The following CLDN16 variants were observed in gnomAD, a reference collection of about 807,000 sequenced individuals.
The protein encoded by CLDN16 is claudin 16.
A neutral mutation model predicts 24.6 loss-of-function variants in CLDN16; 13 were observed. The observed-to-expected ratio is 0.53, with a 90% confidence interval of 0.34 to 0.84. CLDN16 has a LOEUF of 0.84. Ranked by LOEUF, CLDN16 falls within the 40% of genes least tolerant of loss-of-function variation. The pLI, the probability that CLDN16 is intolerant of heterozygous loss-of-function variation, is 0.01. For synonymous variants in CLDN16, 116 were observed against 106.7 expected (o/e 1.09, Z -0.54); for missense variants, 298 against 292.7 (o/e 1.02, Z -0.13).
chr3:190,304,798 G>C, the CLDN16 span, among the ~76,000 whole-genome samples: 1 of 152,166 alleles, frequency 6.6e-6, no homozygotes, highest in Admixed American at 6.6e-5. Flanking sequence ...ATGACAGGCT[G>C]AAAAAGGTGG....
chr3:190,392,901 A>G (rs913997640), intron 1 of CLDN16, among the ~76,000 whole-genome samples: 8 of 152,190 alleles, frequency 5.3e-5, no homozygotes, highest in Non-Finnish European at 1.2e-4. Context: ...AGCAATATGT[A>G]CATGTATTTT....
the CLDN16 span, chr3:190,308,137 G>GT: frequency 2.9e-6 from 3 of 1,026,134 alleles, no homozygotes; most frequent in Non-Finnish European, 4.5e-6. Flanking sequence ...TAACACATGG[G>GT]TTTTTTGTTT....
intron 3 of CLDN16, among the ~76,000 whole-genome samples, chr3:190,405,296 C>T (rs1719067750): frequency 2.6e-5 from 4 of 151,708 alleles, no homozygotes; most frequent in Admixed American, 2.6e-4. Flanking sequence ...TGGTGGTGCA[C>T]ACCTGTAGTC....
At chr3:190,337,926 C>T (rs1223541361) in intron 1 of CLDN16, among the ~76,000 whole-genome samples, 1 of 152,174 alleles carries the variant, frequency 6.6e-6, no homozygotes, top group Non-Finnish European at 1.5e-5. Flanking sequence ...TTAGTGGCAG[C>T]TGACCCTATA....
Position 190,361,940 on chromosome 3 carries a change from C to T in CLDN16, n.122-8953C>T, listed in dbSNP as rs531434081. ...TGGCACAGCTCAGAGAATCCACCTG[C>T]GTAATAAAAGATAAGGGTGGGGGCT... On this transcript the variant is annotated intron_variant and non_coding_transcript_variant, in intron 1 of 4. Transcript: ENST00000468220. 4.7e-5 allele frequency among the ~76,000 whole-genome samples: 7 copies of T among 149,694 alleles called. No homozygotes were observed. In the South Asian group the frequency reaches 8.6e-4, roughly 18 times the overall value.
chr3:190,297,148 A>G, the CLDN16 span, among the ~76,000 whole-genome samples: 2 of 144,570 alleles, frequency 1.4e-5, no homozygotes. Flanking sequence ...TTTCACTGAT[A>G]ACATTTCAGT....
At chr3:190,391,970 C>T (rs1718688923) in intron 1 of CLDN16, among the ~76,000 whole-genome samples, 1 of 151,648 alleles carries the variant, frequency 6.6e-6, no homozygotes, top group African/African-American at 2.4e-5. Flanking sequence ...TATTAACTGC[C>T]TTCTATTAAG....
chr3:190,321,499 G>GA (rs375307449), upstream of CLDN16, among the ~76,000 whole-genome samples: 2 of 152,146 alleles, frequency 1.3e-5, no homozygotes, highest in African/African-American at 4.8e-5. Context: ...CTTTTACTAT[G>GA]AAAAAATCAT....
chr3:190,356,295 A>C (rs1363220767), intron 1 of CLDN16, among the ~76,000 whole-genome samples: 1 of 151,794 alleles, frequency 6.6e-6, no homozygotes, highest in Non-Finnish European at 1.5e-5. Context: ...CATCCCAATT[A>C]ATTGCTGAAA....
chr3:190,390,681 C>T (rs1171543455), intron 1 of CLDN16, among the ~76,000 whole-genome samples: 8 of 152,064 alleles, frequency 5.3e-5, no homozygotes, highest in Admixed American at 5.2e-4. Flanking sequence ...TTATATTTTC[C>T]ACAAATTTGA....
rs937883108 is a variant in CLDN16 at position 190,410,852 on chromosome 3, A to G, written c.*816A>G. 4.6e-5 allele frequency: 7 copies of G among 152,248 alleles called. No homozygotes were observed. The highest frequency in any genetic ancestry group is 1.4e-4 in the African/African-American group (6 of 41,460). 9.4% of individuals were successfully genotyped at this position (152,248 alleles called of 1,614,324 possible). ...TAATATACTATGTTAAAATTCATCA[A>G]TTCAAGTGCCCACACACCACTGAAT... On this transcript the variant is annotated 3_prime_UTR_variant, in exon 5 of 5. Transcript: ENST00000264734.
upstream of CLDN16, among the ~76,000 whole-genome samples, chr3:190,383,823 T>A (rs966427454): frequency 2.0e-5 from 3 of 152,172 alleles, no homozygotes; most frequent in African/African-American, 7.2e-5. Context: ...CACACAAACA[T>A]ACATACATAT....
At chr3:190,335,742 AAGGG>A in intron 1 of CLDN16, among the ~76,000 whole-genome samples, 1 of 150,314 alleles carries the variant, frequency 6.7e-6, no homozygotes, top group African/African-American at 2.5e-5. Context: ...GGTTTATCCT[AAGGG>A]CATGCCCTGA....
intron 1 of CLDN16, among the ~76,000 whole-genome samples, chr3:190,344,981 G>C (rs187530021): frequency 2.0e-5 from 3 of 152,180 alleles, no homozygotes; most frequent in African/African-American, 7.2e-5. Flanking sequence ...GAAGAGTATG[G>C]GGAAAATAGA....
chr3:190,408,827 T>A (rs917328541), intron 4 of CLDN16, among the ~76,000 whole-genome samples: 2 of 122,218 alleles, frequency 1.6e-5, no homozygotes, highest in African/African-American at 2.6e-5. Flanking sequence ...TATATATGTA[T>A]ATATACTATA....
chr3:190,370,196 T>A (rs1378542348), intron 1 of CLDN16, among the ~76,000 whole-genome samples: 1 of 151,992 alleles, frequency 6.6e-6, no homozygotes, highest in African/African-American at 2.4e-5. Flanking sequence ...CTAGCTCTGC[T>A]ATTTTAAGTC....
At chr3:190,290,682 A>G in the CLDN16 span, among the ~76,000 whole-genome samples, 1 of 152,184 alleles carries the variant, frequency 6.6e-6, no homozygotes, top group Non-Finnish European at 1.5e-5. Flanking sequence ...TACAACCTTT[A>G]TCTTACAGAA....
At chr3:190,323,003 T>TAC (rs147722582) in intron 1 of CLDN16, among the ~76,000 whole-genome samples, 2,132 of 144,596 alleles carry the variant, frequency 0.015, 20 homozygotes, top group Non-Finnish European at 0.017. Context: ...CAACATGATT[T>TAC]ACACACACAC....
the CLDN16 span, among the ~76,000 whole-genome samples, chr3:190,293,496 A>G: frequency 1.0e-3 from 153 of 152,336 alleles, no homozygotes; most frequent in African/African-American, 3.5e-3. Context: ...ACAATTATGA[A>G]TTGAGTTGTA....
Sources: gnomAD v4.1 joint callset for allele counts (sites outside exome capture counted in the v4.1 genomes callset) on GRCh38, gnomAD v4.1.1 for gene constraint, MANE v1.5 for transcripts, NCBI Gene and HGNC (gene_info 2026-07-23, HGNC 2026-07-21) for gene names.